Variants in TAC4 observed in about 807,000 individuals in gnomAD.
The protein encoded by TAC4 is tachykinin-4.
Under a neutral mutation model 17.7 loss-of-function variants are expected in TAC4, and 17 were observed. The observed-to-expected ratio is 0.96, with a 90% CI of 0.66 to 1.44. The LOEUF is 1.44. Ranked by LOEUF, TAC4 falls within the 40% of genes most tolerant of loss-of-function variation. The pLI is 0.00. For synonymous variants in TAC4, 62 were observed against 52.4 expected, an observed-to-expected ratio of 1.18 and a Z score of -0.79; for missense variants, 118 against 125.6, an observed-to-expected ratio of 0.94 and a Z score of 0.29.
intron 4 of TAC4, among the ~76,000 whole-genome samples, chr17:49,839,381 T>G (rs565943104): frequency 6.6e-6 from 1 of 152,360 alleles, no homozygotes; most frequent in South Asian, 2.1e-4. Context: ...AAGTGTGAAC[T>G]GATAACTGCT....
intron 4 of TAC4, 38 bp from the exon 5 acceptor site, chr17:49,838,711 G>C: frequency 6.2e-7 from 1 of 1,605,760 alleles, no homozygotes; most frequent in Non-Finnish European, 8.5e-7. Flanking sequence ...GGTTAGTCGG[G>C]GGTCTTGTCT....
chr17:49,847,077 C>T (rs1325884131), intron 1 of TAC4: 3 of 1,289,946 alleles, frequency 2.3e-6, no homozygotes, highest in Middle Eastern at 4.2e-4. Context: ...ATGGCTCTTC[C>T]CGTGGCTCCA....
rs559190793 is a variant in TAC4, at chr17:49,839,264, C to A, written c.292+586G>T. Among the ~76,000 whole-genome samples, 3 of 152,234 alleles carry A rather than the reference C, an allele frequency of 2.0e-5. No individual in the cohort carries two copies. In the South Asian group the frequency reaches 6.2e-4, roughly 32 times the overall value. ...GCTCAGTGTCTGTGACCTGCCGGGG[C>A]GCCCACTGCCCGCTCACTTGAGCTG... On this transcript the variant is annotated intron_variant, in intron 4 of 4. Transcript: ENST00000436235.
In TAC4 at chr17:49,844,056, TCACTCACCTCC is replaced by T. The variant is rs59624095; in HGVS notation, c.196_199+7del. ...TGCTTGCTGGGCTCCATTGTCATTG[TCACTCACCTCC>T]CACTCGCTTCCCCATCAGCCCAAAG... On this transcript the variant is annotated splice_donor_variant and splice_donor_5th_base_variant and coding_sequence_variant and intron_variant, in exon 2 of 5. Transcript: ENST00000436235. LOFTEE classifies it high-confidence loss of function. The T allele has an allele frequency of 5.4e-3, 8,655 of 1,613,536 alleles. 282 individuals are homozygous for T. In the Admixed American group the frequency reaches 0.067, roughly 13 times the overall value.
At position 49,838,595 on chromosome 17, in the gene TAC4, A is replaced by G. The variant is rs775016365; in HGVS notation, c.*47T>C. On this transcript the variant is annotated 3_prime_UTR_variant, in exon 5 of 5. Transcript: ENST00000436235. ...GGCTTGTCAGCTGTGACATCCAGGT[A>G]GGAAGAAGCGGCACCGTGTCCTCTG... The G allele has an allele frequency of 3.7e-6, 6 of 1,612,668 alleles. No individual in the cohort carries two copies. The East Asian group carries it at 1.1e-4, about 30-fold the overall frequency.
intron 2 of TAC4, 77 bp from the exon 3 acceptor site, chr17:49,841,661 GTTC>G: frequency 7.0e-7 from 1 of 1,419,826 alleles, no homozygotes; most frequent in Non-Finnish European, 9.4e-7. Flanking sequence ...AAAGGCTCCA[GTTC>G]TTTGAGGGTT....
In TAC4 at chr17:49,841,108, A is replaced by G. The variant is rs563837053; in HGVS notation, c.232+444T>C. Among the ~76,000 whole-genome samples the G allele has an allele frequency of 6.4e-4, 96 of 150,972 alleles. 1 individual carries two copies. In the South Asian group the frequency reaches 0.018, roughly 28 times the overall value. ...GCCATGTTGGCCAGGCTGGTCTCGA[A>G]CTCCTGACCTCAAGTGATCTGGCTG... On this transcript the variant is annotated intron_variant, in intron 3 of 4. Transcript: ENST00000436235.
chr17:49,843,622 C>T (rs1053315795), intron 2 of TAC4, among the ~76,000 whole-genome samples: 1 of 152,206 alleles, frequency 6.6e-6, no homozygotes, highest in African/African-American at 2.4e-5. Context: ...GAGATGGAGT[C>T]TCGCTTTGTC....
In TAC4 at chr17:49,848,045, T is replaced by G; in HGVS notation, c.-28A>C. 1.2e-6 allele frequency: 2 copies of G among 1,612,086 alleles called. No individual in the cohort carries two copies. Among genetic ancestry groups the G allele is most frequent in the South Asian group, 1.1e-5 (1 of 90,984 alleles). On this transcript the variant is annotated 5_prime_UTR_variant, in exon 1 of 5. Coordinates refer to ENST00000436235, the MANE Select transcript of TAC4 (RefSeq NM_001077506.2). Reference sequence around the variant, plus strand: ...TGAGCCTGCACTGTCCTGGAATCTCTGGGAGCCCCTCTCAGCTTGAAGATG... The same window carrying G: ...TGAGCCTGCACTGTCCTGGAATCTCGGGGAGCCCCTCTCAGCTTGAAGATG...
chr17:49,838,882 C>T (rs2074476683), intron 4 of TAC4, among the ~76,000 whole-genome samples: 1 of 152,072 alleles, frequency 6.6e-6, no homozygotes, highest in South Asian at 2.1e-4. Context: ...TGGATGGAGC[C>T]CACCCTCAGT....
intron 1 of TAC4, chr17:49,847,648 C>A: frequency 2.2e-6 from 1 of 458,298 alleles, no homozygotes; most frequent in Non-Finnish European, 4.0e-6. Flanking sequence ...AGAGATATAC[C>A]GTGTGTTAAA....
rs780075913 is a variant in TAC4 at position 49,844,044 on chromosome 17, C to T, written c.199+20G>A. On this transcript the variant is annotated intron_variant, in intron 2 of 4. Transcript: ENST00000436235. The stretch of plus-strand genomic sequence containing the variant: ...ACTCAGAACCCCTGCTTGCTGGGCT[C>T]CATTGTCATTGTCACTCACCTCCCA... The T allele has an allele frequency of 2.5e-6, 4 of 1,611,982 alleles. No individual in the cohort carries two copies. Among genetic ancestry groups the T allele is most frequent in the Middle Eastern group, 1.7e-4 (1 of 6,056 alleles).
In TAC4 at chr17:49,840,386, A is replaced by G. The variant is rs2074487862; in HGVS notation, c.233-477T>C. Among the ~76,000 whole-genome samples the G allele has an allele frequency of 1.3e-5, 2 of 152,144 alleles. 1 individual carries two copies. Among genetic ancestry groups the G allele is most frequent in the Admixed American group, 1.3e-4 (2 of 15,280 alleles). The stretch of plus-strand genomic sequence containing the variant: ...AGTCAGGGAAGGAGAGCTGGTTAGG[A>G]TGGGGCTAGGAGTCAGGTCAGTGAG... On this transcript the variant is annotated intron_variant, in intron 3 of 4. Transcript: ENST00000436235.
chr17:49,841,048 G>A (rs2074493914), intron 3 of TAC4, among the ~76,000 whole-genome samples: 1 of 150,366 alleles, frequency 6.7e-6, no homozygotes, highest in South Asian at 2.1e-4. Context: ...CCGGGCTAAT[G>A]TTTGCATTTT....
chr17:49,844,422 T>C (rs2074521859), intron 1 of TAC4, among the ~76,000 whole-genome samples: 1 of 152,042 alleles, frequency 6.6e-6, no homozygotes, highest in African/African-American at 2.4e-5. Flanking sequence ...CCCTAAGTAC[T>C]GTTACTGTCA....
Position 49,841,266 on chromosome 17 carries a change from T to C in TAC4, c.232+286A>G, listed in dbSNP as rs551006091. On this transcript the variant is annotated intron_variant, in intron 3 of 4. Coordinates refer to ENST00000436235, the MANE Select transcript of TAC4 (RefSeq NM_001077506.2). ...TGACTTTTTTTTTTTTTTTTTTTTT[T>C]CTAATTCCAGGCTTTAGACGTAAGG... Among the ~76,000 whole-genome samples the C allele has an allele frequency of 9.5e-3, 1,416 of 149,000 alleles. 1 individual carries two copies. Among genetic ancestry groups the C allele is most frequent in the Non-Finnish European group, 0.014 (941 of 67,072 alleles).
At position 49,846,211 on chromosome 17, in the gene TAC4, A is replaced by G. The variant is rs1246263251; in HGVS notation, c.105+1702T>C. On this transcript the variant is annotated intron_variant, in intron 1 of 4. Transcript: ENST00000436235. Reference sequence around the variant, plus strand: ...CAAATCCCCAACTCCAGGGATGACTACAGGTTGGGGGAGCCCCGAGAGCAA... The same window carrying G: ...CAAATCCCCAACTCCAGGGATGACTGCAGGTTGGGGGAGCCCCGAGAGCAA... The G allele has an allele frequency of 4.7e-6, 6 of 1,288,530 alleles. No individual in the cohort carries two copies. The African/African-American group carries it at 9.1e-5, about 20-fold the overall frequency. The allele number at this position is 1,288,530 out of a possible 1,614,324, so 79.8% of individuals were successfully genotyped here.
At chr17:49,840,424 G>A (rs188561818) in intron 3 of TAC4, among the ~76,000 whole-genome samples, 56 of 152,340 alleles carry the variant, frequency 3.7e-4, no homozygotes, top group Admixed American at 1.4e-3. Context: ...AGGCCTGAAG[G>A]ATGCGGTGAG....
At chr17:49,847,670 TACACACACACACACACACACAGACAC>T (rs1363036220) in intron 1 of TAC4, 48 of 426,218 alleles carry the variant, frequency 1.1e-4, no homozygotes, top group Non-Finnish European at 1.1e-4. Flanking sequence ...AAGTATTTCT[TACACACACACACACACACACAGACAC>T]ACACACACAC....
Sources: allele counts gnomAD v4.1 joint callset (sites outside exome capture counted in the v4.1 genomes callset), GRCh38; gene constraint gnomAD v4.1.1; transcripts MANE v1.5; gene names NCBI Gene and HGNC (gene_info 2026-07-23, HGNC 2026-07-21).